SIK3: variants seen among roughly 807,000 people sequenced by gnomAD.
SIK3 encodes SIK family kinase 3.
SIK3 carries 28 observed loss-of-function variants against 144.2 expected under a neutral mutation model. The ratio of observed to expected loss-of-function variants is 0.19; its 90% confidence interval spans 0.14 to 0.27. The LOEUF is 0.27. Ranked by LOEUF, SIK3 falls within the 10% of genes least tolerant of loss-of-function variation. The pLI, the probability that SIK3 is intolerant of heterozygous loss-of-function variation, is 1.00. For synonymous variants in SIK3, 686 were observed against 676.3 expected, an observed-to-expected ratio of 1.01 and a Z score of -0.22; for missense variants, 1,319 against 1,776.0, an observed-to-expected ratio of 0.74 and a Z score of 4.62.
chr11:117,097,532 T>C (rs944157097), intron 1 of SIK3, among the ~76,000 whole-genome samples: 6 of 146,638 alleles, frequency 4.1e-5, no homozygotes, highest in African/African-American at 1.3e-4. Context: ...CCTCCTCCAC[T>C]AATCGTGTCT....
At chr11:116,847,288 C>T (rs1942050556) in intron 23 of SIK3, among the ~76,000 whole-genome samples, 188 bp downstream of exon 23, 1 of 152,186 alleles carries the variant, frequency 6.6e-6, no homozygotes, top group Non-Finnish European at 1.5e-5. Context: ...TGGCCAGAAG[C>T]CACACCTCCT....
intron 1 of SIK3, among the ~76,000 whole-genome samples, chr11:117,029,562 A>G (rs2135789180): frequency 6.6e-6 from 1 of 152,330 alleles, no homozygotes; most frequent in South Asian, 2.1e-4. Flanking sequence ...ACACCAATGC[A>G]GCAGTACAAA....
chr11:116,966,110 A>C (rs1949538902), intron 1 of SIK3, among the ~76,000 whole-genome samples: 1 of 152,198 alleles, frequency 6.6e-6, no homozygotes, highest in Non-Finnish European at 1.5e-5. Flanking sequence ...CAAAATGGCA[A>C]CCAAAGAACA....
At chr11:116,936,510 C>T (rs61907596) in intron 3 of SIK3, among the ~76,000 whole-genome samples, 4,643 of 152,268 alleles carry the variant, frequency 0.03, 90 homozygotes, top group Non-Finnish European at 0.035. Flanking sequence ...CTGCTGTAAC[C>T]TAGTTCTCCT....
At chr11:116,912,130 G>A (rs775684693) in intron 4 of SIK3, among the ~76,000 whole-genome samples, 1 of 152,188 alleles carries the variant, frequency 6.6e-6, no homozygotes, top group Non-Finnish European at 1.5e-5. Context: ...TCCGCAGGCT[G>A]AAATGGCAAC....
intron 1 of SIK3, among the ~76,000 whole-genome samples, chr11:117,006,376 G>C (rs1951047358): frequency 6.6e-6 from 1 of 152,178 alleles, no homozygotes; most frequent in Non-Finnish European, 1.5e-5. Context: ...GTTGTGATCA[G>C]GCTTGGGCCA....
At chr11:116,984,058 A>AAG in intron 1 of SIK3, among the ~76,000 whole-genome samples, 1 of 151,710 alleles carries the variant, frequency 6.6e-6, no homozygotes, top group African/African-American at 2.4e-5. Context: ...CTCAAAAAAA[A>AAG]AAAAAAAAAA....
chr11:116,945,970 T>C (rs1025162788), intron 3 of SIK3, among the ~76,000 whole-genome samples: 3 of 152,322 alleles, frequency 2.0e-5, no homozygotes, highest in Middle Eastern at 3.4e-3. Context: ...GAAAATTATA[T>C]GAAAAGCATG....
At chr11:116,922,426 G>C (rs1009747582) in intron 4 of SIK3, among the ~76,000 whole-genome samples, 24 of 152,288 alleles carry the variant, frequency 1.6e-4, no homozygotes, top group African/African-American at 5.5e-4. Context: ...AGGAGGCTGA[G>C]GTTGCAGTGA....
At chr11:116,912,752 C>T (rs1946415203) in intron 4 of SIK3, among the ~76,000 whole-genome samples, 1 of 152,198 alleles carries the variant, frequency 6.6e-6, no homozygotes, top group South Asian at 2.1e-4. Flanking sequence ...CTAAAAGCTT[C>T]TGAGGATTCA....
chr11:117,021,926 T>TACAA (rs1951779019), intron 1 of SIK3, among the ~76,000 whole-genome samples: 1 of 20,468 alleles, frequency 4.9e-5, no homozygotes. Flanking sequence ...CCTCTGTCTC[T>TACAA]ACAAAAAAAA....
chr11:116,955,747 A>G (rs1400336519), intron 2 of SIK3, among the ~76,000 whole-genome samples: 5 of 152,334 alleles, frequency 3.3e-5, no homozygotes, highest in Admixed American at 6.5e-5. Context: ...GGAAGCTTTC[A>G]TAAGTTTGCT....
intron 21 of SIK3, among the ~76,000 whole-genome samples, chr11:116,850,301 A>G (rs1942327074): frequency 6.6e-6 from 1 of 151,962 alleles, no homozygotes; most frequent in Admixed American, 6.5e-5. Flanking sequence ...AGTGTCTCAT[A>G]TTCCCCTCTC....
At chr11:116,981,950 A>AT (rs1370346881) in intron 1 of SIK3, among the ~76,000 whole-genome samples, 1 of 152,170 alleles carries the variant, frequency 6.6e-6, no homozygotes, top group Non-Finnish European at 1.5e-5. Context: ...CAGTTTAGAG[A>AT]TTTTCAGTCC....
At chr11:116,880,012 AG>A (rs1944465393) in intron 6 of SIK3, among the ~76,000 whole-genome samples, 2 of 152,188 alleles carry the variant, frequency 1.3e-5, no homozygotes, top group South Asian at 4.1e-4. Context: ...TAAGGCCTCT[AG>A]ATGGCACTCT....
intron 1 of SIK3, among the ~76,000 whole-genome samples, chr11:116,995,138 A>C (rs1285459178): frequency 6.6e-6 from 1 of 151,802 alleles, no homozygotes; most frequent in Non-Finnish European, 1.5e-5. Context: ...ATGATGGCGC[A>C]TGCCCGTAAT....
At chr11:116,897,755 C>T (rs909491906) in intron 4 of SIK3, among the ~76,000 whole-genome samples, 4 of 151,988 alleles carry the variant, frequency 2.6e-5, no homozygotes, top group African/African-American at 4.8e-5. Context: ...TGGTGGCGTG[C>T]GCCTGTAGTC....
chr11:116,969,411 A>G (rs900404781), intron 1 of SIK3, among the ~76,000 whole-genome samples: 3 of 152,054 alleles, frequency 2.0e-5, no homozygotes, highest in African/African-American at 7.2e-5. Flanking sequence ...AGATGAGAAA[A>G]TGAAAATGTA....
At chr11:117,019,301 G>A (rs1020516390) in intron 1 of SIK3, among the ~76,000 whole-genome samples, 2 of 152,138 alleles carry the variant, frequency 1.3e-5, no homozygotes, top group Non-Finnish European at 2.9e-5. Context: ...ATTACAGGGT[G>A]AGCCACCGCA....
Sources: allele counts gnomAD v4.1 joint callset (sites outside exome capture counted in the v4.1 genomes callset), GRCh38; gene constraint gnomAD v4.1.1; transcripts MANE v1.5; gene names NCBI Gene and HGNC (gene_info 2026-07-23, HGNC 2026-07-21).